OR2L13: variants seen among roughly 807,000 people sequenced by gnomAD.
OR2L13 encodes the protein olfactory receptor family 2 subfamily L member 13.
Under a neutral mutation model 15.3 loss-of-function variants are expected in OR2L13, and 14 were observed. That is an observed-to-expected ratio of 0.91 (90% CI 0.60 to 1.43). OR2L13 has a LOEUF of 1.43. Ranked by LOEUF, OR2L13 falls within the 40% of genes most tolerant of loss-of-function variation. The probability of loss-of-function intolerance (pLI) is 0.00; values close to 1 mark genes in which losing one functional copy is unlikely to be tolerated. For synonymous variants in OR2L13, 152 were observed against 142.9 expected (o/e 1.06, Z -0.45); for missense variants, 367 against 387.9 (o/e 0.95, Z 0.45).
chr1:248,029,220 T>C, the OR2L13 span: 1 of 152,190 alleles, frequency 6.6e-6, no homozygotes, highest in African/African-American at 2.4e-5. Flanking sequence ...GACTAGCCTA[T>C]ACATATCAAA....
the OR2L13 span, among the ~76,000 whole-genome samples, chr1:247,999,496 C>T: frequency 6.6e-6 from 1 of 152,180 alleles, no homozygotes; most frequent in Admixed American, 6.5e-5. Flanking sequence ...TCTCCAACTT[C>T]ATACCCTTCT....
the OR2L13 span, among the ~76,000 whole-genome samples, chr1:248,076,250 C>A: frequency 2.6e-5 from 4 of 151,560 alleles, no homozygotes; most frequent in Admixed American, 2.6e-4. Flanking sequence ...GTTACTGTAG[C>A]TTTGTAGTAT....
At chr1:248,060,638 C>A in the OR2L13 span, 1 of 1,504,138 alleles carries the variant, frequency 6.6e-7, no homozygotes, top group South Asian at 1.2e-5. Flanking sequence ...CTGTGCTTAA[C>A]TTACCCTTGT....
chr1:248,047,434 C>T, the OR2L13 span, among the ~76,000 whole-genome samples: 4 of 152,138 alleles, frequency 2.6e-5, no homozygotes, highest in East Asian at 1.9e-4. Flanking sequence ...AAAGGTACAA[C>T]GAGAATGGTT....
the OR2L13 span, among the ~76,000 whole-genome samples, chr1:247,994,393 T>G: frequency 6.6e-6 from 1 of 152,140 alleles, no homozygotes; most frequent in Admixed American, 6.5e-5. Context: ...CGAGACTCCA[T>G]CTCAAAAACA....
chr1:248,029,585 T>C, the OR2L13 span, among the ~76,000 whole-genome samples: 2 of 152,152 alleles, frequency 1.3e-5, no homozygotes, highest in African/African-American at 4.8e-5. Context: ...TGAACATATA[T>C]AATACCTAAA....
the OR2L13 span, among the ~76,000 whole-genome samples, chr1:247,972,179 A>C: frequency 6.6e-6 from 1 of 152,184 alleles, no homozygotes; most frequent in African/African-American, 2.4e-5. Flanking sequence ...AAAAATCTAA[A>C]ATTGACACAC....
the OR2L13 span, among the ~76,000 whole-genome samples, chr1:248,076,556 C>T: frequency 1.3e-5 from 2 of 152,102 alleles, no homozygotes; most frequent in Non-Finnish European, 2.9e-5. Flanking sequence ...TGAAAAGGTC[C>T]TTCATATCCC....
At chr1:248,021,099 C>G in the OR2L13 span, among the ~76,000 whole-genome samples, 3 of 152,050 alleles carry the variant, frequency 2.0e-5, no homozygotes, top group Non-Finnish European at 4.4e-5. Flanking sequence ...TTTAACTTTT[C>G]CATGCATTTG....
the OR2L13 span, among the ~76,000 whole-genome samples, chr1:248,033,485 G>T: frequency 2.0e-5 from 3 of 151,854 alleles, no homozygotes; most frequent in East Asian, 5.8e-4. Flanking sequence ...CACACAGGTT[G>T]GAATGTGGTG....
At chr1:248,012,795 CAATT>C in the OR2L13 span, among the ~76,000 whole-genome samples, 11 of 151,882 alleles carry the variant, frequency 7.2e-5, no homozygotes, top group Non-Finnish European at 1.2e-4. Context: ...AACAATGTAT[CAATT>C]AATTAAATAA....
At chr1:248,100,706 T>C (rs1462049973) in exon 3 of OR2L13, 2 of 170,952 alleles carry the variant, frequency 1.2e-5, no homozygotes, top group African/African-American at 4.8e-5. Context: ...GTTTGTTTTA[T>C]AGAGTGCAGC....
the OR2L13 span, among the ~76,000 whole-genome samples, chr1:247,993,272 A>C: frequency 6.7e-6 from 1 of 149,700 alleles, no homozygotes; most frequent in Admixed American, 6.6e-5. Flanking sequence ...GATTGTGGAC[A>C]TTTAATCTTT....
the OR2L13 span, among the ~76,000 whole-genome samples, chr1:248,068,166 G>A: frequency 6.6e-6 from 1 of 152,180 alleles, no homozygotes; most frequent in African/African-American, 2.4e-5. Flanking sequence ...CACGCAGCTG[G>A]AGATCTGAGA....
chr1:248,001,257 C>G, the OR2L13 span, among the ~76,000 whole-genome samples: 1 of 152,004 alleles, frequency 6.6e-6, no homozygotes, highest in African/African-American at 2.4e-5. Context: ...GGAATGAATG[C>G]TGTGACGTTC....
the OR2L13 span, among the ~76,000 whole-genome samples, chr1:247,972,929 C>T: frequency 2.7e-4 from 41 of 152,224 alleles, 1 homozygote; most frequent in South Asian, 1.2e-3. Context: ...TTATCCACCA[C>T]GGTCAAGTTG....
chr1:248,027,172 A>C, the OR2L13 span, among the ~76,000 whole-genome samples: 1 of 152,308 alleles, frequency 6.6e-6, no homozygotes, highest in Non-Finnish European at 1.5e-5. Context: ...TGTCTTTTAC[A>C]GTCATAGATA....
chr1:247,999,845 C>T, the OR2L13 span, among the ~76,000 whole-genome samples: 1 of 152,254 alleles, frequency 6.6e-6, no homozygotes, highest in African/African-American at 2.4e-5. Context: ...ACTGCCATTT[C>T]AGTGAAACTG....
the OR2L13 span, chr1:248,083,764 T>C: frequency 6.2e-7 from 1 of 1,614,004 alleles, no homozygotes; most frequent in Non-Finnish European, 8.5e-7. Flanking sequence ...GGGGTGAACA[T>C]ACTATAGAAG....
Sources: allele counts gnomAD v4.1 joint callset (sites outside exome capture counted in the v4.1 genomes callset), GRCh38; gene constraint gnomAD v4.1.1; transcripts MANE v1.5; gene names NCBI Gene and HGNC (gene_info 2026-07-23, HGNC 2026-07-21).